CSMD1: variants seen among roughly 807,000 people sequenced by gnomAD.
CSMD1 encodes the protein CUB and sushi domain-containing protein 1.
Under a neutral mutation model 417.5 loss-of-function variants are expected in CSMD1, and 213 were observed. The observed-to-expected ratio is 0.51, with a 90% CI of 0.46 to 0.57. The LOEUF is 0.57. CSMD1 is among the 20% of genes least tolerant of loss of function. CSMD1 has a pLI of 0.00. For synonymous variants in CSMD1, 2,862 were observed against 1,736.8 expected, an observed-to-expected ratio of 1.65 and a Z score of -16.11; for missense variants, 6,923 against 4,529.7, an observed-to-expected ratio of 1.53 and a Z score of -15.17.
intron 12 of CSMD1, among the ~76,000 whole-genome samples, chr8:3,427,960 G>C (rs1307807978): frequency 6.6e-6 from 1 of 152,100 alleles, no homozygotes; most frequent in East Asian, 1.9e-4. Flanking sequence ...ATAAGGTAAA[G>C]GAATTTTGAA....
At chr8:4,293,711 T>C (rs1178560364) in intron 3 of CSMD1, among the ~76,000 whole-genome samples, 2 of 152,212 alleles carry the variant, frequency 1.3e-5, no homozygotes, top group Non-Finnish European at 2.9e-5. Context: ...CATTCCATAC[T>C]TTAAAAAAGA....
At chr8:4,104,446 A>C (rs964210760) in intron 3 of CSMD1, among the ~76,000 whole-genome samples, 2 of 149,838 alleles carry the variant, frequency 1.3e-5, no homozygotes, top group African/African-American at 2.5e-5. Context: ...ATGCACACAC[A>C]CACACAGGAT....
At chr8:3,810,609 C>T (rs944602187) in intron 5 of CSMD1, among the ~76,000 whole-genome samples, 2 of 152,146 alleles carry the variant, frequency 1.3e-5, no homozygotes, top group Non-Finnish European at 2.9e-5. Context: ...TCCCTTGTCA[C>T]TGGTGACTCA....
At chr8:4,160,547 T>C (rs1797094529) in intron 3 of CSMD1, among the ~76,000 whole-genome samples, 1 of 152,316 alleles carries the variant, frequency 6.6e-6, no homozygotes, top group African/African-American at 2.4e-5. Flanking sequence ...GATTTTCAGG[T>C]GATTTAAATA....
intron 10 of CSMD1, among the ~76,000 whole-genome samples, chr8:3,572,518 G>A (rs1158731007): frequency 6.6e-6 from 1 of 152,154 alleles, no homozygotes; most frequent in Non-Finnish European, 1.5e-5. Flanking sequence ...ATTTGTGATA[G>A]ATTCATGCAA....
At chr8:4,247,891 G>A (rs976995063) in intron 3 of CSMD1, among the ~76,000 whole-genome samples, 2 of 152,138 alleles carry the variant, frequency 1.3e-5, no homozygotes, top group East Asian at 1.9e-4. Context: ...TTTCTTGAGG[G>A]ATAAATTTTC....
At chr8:3,961,811 A>G (rs1443252581) in intron 5 of CSMD1, among the ~76,000 whole-genome samples, 1 of 152,206 alleles carries the variant, frequency 6.6e-6, no homozygotes. Flanking sequence ...ATTTCCCGCT[A>G]GAAATGCTAT....
At chr8:3,285,597 C>G (rs1229422087) in intron 25 of CSMD1, among the ~76,000 whole-genome samples, 2 of 151,876 alleles carry the variant, frequency 1.3e-5, no homozygotes, top group East Asian at 3.9e-4. Context: ...TGGGGTTTCA[C>G]CAAGTTGACC....
At position 4,649,916 on chromosome 8, in the gene CSMD1, G is replaced by C. The variant is rs78652385; in HGVS notation, c.86-12358C>G. 8.3e-3 allele frequency among the ~76,000 whole-genome samples: 1,263 copies of C among 152,324 alleles called. 11 individuals carry two copies. The highest frequency in any genetic ancestry group is 0.018 in the African/African-American group (745 of 41,570). ...TGTATGACTGGGGGCACCATGTGTT[G>C]ATGCACAGGTTGTGCACTGCACAAC... On this transcript the variant is annotated intron_variant, in intron 1 of 69. Coordinates refer to ENST00000635120, the MANE Select transcript of CSMD1 (RefSeq NM_033225.6).
At chr8:3,899,656 CAAG>C (rs767932372) in intron 5 of CSMD1, among the ~76,000 whole-genome samples, 4 of 152,114 alleles carry the variant, frequency 2.6e-5, no homozygotes, top group Admixed American at 6.5e-5. Context: ...AGAAACTAGA[CAAG>C]AAGGTGGCTT....
At chr8:3,158,128 T>C (rs1488085850) in intron 38 of CSMD1, among the ~76,000 whole-genome samples, 162 bp from the exon 39 acceptor site, 1 of 152,198 alleles carries the variant, frequency 6.6e-6, no homozygotes, top group African/African-American at 2.4e-5. Context: ...TATTAGTGAG[T>C]CACATTTTGA....
intron 5 of CSMD1, among the ~76,000 whole-genome samples, chr8:3,831,617 T>G (rs556408226): frequency 6.6e-6 from 1 of 152,190 alleles, no homozygotes; most frequent in Non-Finnish European, 1.5e-5. Flanking sequence ...TAGCTTTTCA[T>G]TGCACTACTT....
chr8:3,915,505 C>T (rs1268301699), intron 5 of CSMD1, among the ~76,000 whole-genome samples: 1 of 150,366 alleles, frequency 6.7e-6, no homozygotes, highest in Non-Finnish European at 1.5e-5. Context: ...TGAAACAGGA[C>T]ATTACTGGGC....
intron 1 of CSMD1, among the ~76,000 whole-genome samples, chr8:4,742,280 T>C (rs1810667535): frequency 6.6e-6 from 1 of 151,704 alleles, no homozygotes. Flanking sequence ...TCCACCCGCC[T>C]CGGCCTCCCA....
intron 3 of CSMD1, among the ~76,000 whole-genome samples, chr8:4,229,796 T>C (rs1801598999): frequency 6.6e-6 from 1 of 152,162 alleles, no homozygotes; most frequent in African/African-American, 2.4e-5. Context: ...CACTCACTCC[T>C]TCCTTTTTTC....
chr8:3,172,395 T>C (rs1426898239), intron 37 of CSMD1, among the ~76,000 whole-genome samples: 1 of 152,210 alleles, frequency 6.6e-6, no homozygotes, highest in Admixed American at 6.5e-5. Flanking sequence ...ACTTTTAATC[T>C]GAGGCATTGC....
chr8:4,591,220 G>C (rs977355202), intron 2 of CSMD1, among the ~76,000 whole-genome samples: 8 of 152,202 alleles, frequency 5.3e-5, no homozygotes, highest in African/African-American at 1.9e-4. Flanking sequence ...GATGAAATAA[G>C]CAATGATCTC....
chr8:4,413,129 A>G (rs565064178), intron 3 of CSMD1, among the ~76,000 whole-genome samples: 19 of 152,326 alleles, frequency 1.2e-4, no homozygotes, highest in African/African-American at 4.6e-4. Context: ...ATGGATATAT[A>G]GAATATGGAC....
At chr8:3,242,957 G>C (rs560091069) in intron 26 of CSMD1, among the ~76,000 whole-genome samples, 1 of 152,246 alleles carries the variant, frequency 6.6e-6, no homozygotes, top group East Asian at 1.9e-4. Context: ...CAATCAGAGA[G>C]ATGTCCCTGC....
Sources: gnomAD v4.1 joint callset for allele counts (sites outside exome capture counted in the v4.1 genomes callset) on GRCh38, gnomAD v4.1.1 for gene constraint, MANE v1.5 for transcripts, NCBI Gene and HGNC (gene_info 2026-07-23, HGNC 2026-07-21) for gene names.